MALRD1: variants seen among roughly 807,000 people sequenced by gnomAD.
MALRD1 encodes MAM and LDL receptor class A domain containing 1.
A neutral mutation model predicts 242.1 loss-of-function variants in MALRD1; 247 were observed. The observed-to-expected ratio is 1.02, with a 90% CI of 0.92 to 1.13. The LOEUF is 1.13. Among genes scored for constraint, MALRD1 ranks in the 50% most tolerant of loss-of-function variants. The pLI is 0.00. For missense variants in MALRD1, 2,989 were observed against 2,533.1 expected (o/e 1.18, Z -3.86); for synonymous variants, 995 against 866.6 (o/e 1.15, Z -2.60).
intron 14 of MALRD1, among the ~76,000 whole-genome samples, chr10:19,180,767 C>A (rs1478317958): frequency 6.6e-6 from 1 of 152,018 alleles, no homozygotes; most frequent in African/African-American, 2.4e-5. Flanking sequence ...AAACACTCAG[C>A]AAAATAAAAT....
intron 18 of MALRD1, among the ~76,000 whole-genome samples, chr10:19,215,792 A>ATAGTATATTTATTTATATAAATAAT (rs1180132058): frequency 3.5e-4 from 19 of 54,008 alleles, no homozygotes; most frequent in African/African-American, 8.5e-4. Flanking sequence ...GTATAAATAA[A>ATAGTATATTTATTTATATAAATAAT]TAGTATATTT....
chr10:19,543,971 A>G (rs981902706), intron 32 of MALRD1, among the ~76,000 whole-genome samples: 7 of 151,940 alleles, frequency 4.6e-5, no homozygotes, highest in Admixed American at 6.6e-5. Flanking sequence ...TTATTATTCC[A>G]TGCTACTTGG....
chr10:19,480,209 C>G (rs1346570813), intron 29 of MALRD1, among the ~76,000 whole-genome samples: 2 of 152,188 alleles, frequency 1.3e-5, no homozygotes, highest in African/African-American at 2.4e-5. Flanking sequence ...AAGAAAGAAG[C>G]TAGTGTGTGA....
At chr10:19,661,852 T>C (rs934544560) in intron 36 of MALRD1, among the ~76,000 whole-genome samples, 24 of 152,178 alleles carry the variant, frequency 1.6e-4, no homozygotes, top group Middle Eastern at 3.4e-3. Flanking sequence ...AACAAGAATA[T>C]AATTACAGAG....
At chr10:19,207,900 C>G (rs1836857994) in intron 17 of MALRD1, among the ~76,000 whole-genome samples, 1 of 152,142 alleles carries the variant, frequency 6.6e-6, no homozygotes, top group African/African-American at 2.4e-5. Flanking sequence ...AACTCTTGCA[C>G]TTTGGTGCCA....
At chr10:19,319,024 T>C (rs1842815658) in intron 21 of MALRD1, among the ~76,000 whole-genome samples, 1 of 151,588 alleles carries the variant, frequency 6.6e-6, no homozygotes, top group African/African-American at 2.4e-5. Flanking sequence ...TCTGGCGTAG[T>C]GCATGCTACA....
intron 20 of MALRD1, among the ~76,000 whole-genome samples, chr10:19,282,539 T>C (rs904091012): frequency 6.6e-6 from 1 of 150,434 alleles, no homozygotes; most frequent in East Asian, 1.9e-4. Context: ...TAATTTCCTG[T>C]GATATTAGAA....
chr10:19,266,906 CA>C (rs1364365439), intron 19 of MALRD1, among the ~76,000 whole-genome samples: 5 of 151,944 alleles, frequency 3.3e-5, no homozygotes, highest in African/African-American at 7.2e-5. Context: ...TATCTTGAAT[CA>C]GATCTTCAGA....
chr10:19,433,617 T>C (rs1211586761), intron 28 of MALRD1, among the ~76,000 whole-genome samples: 1 of 152,182 alleles, frequency 6.6e-6, no homozygotes, highest in East Asian at 1.9e-4. Flanking sequence ...ATTAACTATA[T>C]TGAAGATCTA....
At chr10:19,477,087 C>T (rs1036990178) in intron 29 of MALRD1, among the ~76,000 whole-genome samples, 17 of 151,982 alleles carry the variant, frequency 1.1e-4, no homozygotes, top group Non-Finnish European at 2.1e-4. Context: ...ATGGGAATGC[C>T]TGCGGCTTGA....
intron 29 of MALRD1, among the ~76,000 whole-genome samples, chr10:19,485,756 T>C (rs944951372): frequency 2.0e-5 from 3 of 150,774 alleles, no homozygotes; most frequent in Non-Finnish European, 4.5e-5. Context: ...AATCCATCGA[T>C]ACATTTTTAT....
chr10:19,269,519 C>T (rs1000429717), intron 19 of MALRD1, among the ~76,000 whole-genome samples: 11 of 152,168 alleles, frequency 7.2e-5, no homozygotes, highest in Admixed American at 3.9e-4. Context: ...CCAGAGAGTC[C>T]GTCAGGAATC....
chr10:19,198,521 A>G lies in MALRD1; in HGVS notation c.1952-5207A>G, dbSNP rs563675043. On this transcript the variant is annotated intron_variant, in intron 14 of 39. Coordinates refer to ENST00000454679, the MANE Select transcript of MALRD1 (RefSeq NM_001142308.3). The stretch of plus-strand genomic sequence containing the variant: ...AGGATAATAACTTGCCTTCTGTTGT[A>G]GAGGGAGTCACTATCTGTCTTTCAT... Among the ~76,000 whole-genome samples the G allele has an allele frequency of 2.0e-5, 3 of 152,304 alleles. 1 individual carries two copies. In the South Asian group the frequency reaches 6.2e-4, roughly 32 times the overall value.
chr10:19,706,875 T>G (rs1003966564), intron 38 of MALRD1, among the ~76,000 whole-genome samples: 1 of 152,160 alleles, frequency 6.6e-6, no homozygotes, highest in South Asian at 2.1e-4. Flanking sequence ...TGGATATTCA[T>G]AATCCTGGAT....
At chr10:19,531,442 G>T in intron 32 of MALRD1, 91 bp downstream of exon 32, 2 of 1,285,316 alleles carry the variant, frequency 1.6e-6, no homozygotes, top group Non-Finnish European at 2.1e-6. Context: ...ATTTTTGTTG[G>T]TCACACCGCC....
intron 36 of MALRD1, among the ~76,000 whole-genome samples, chr10:19,637,345 GATA>G (rs1840183806): frequency 1.3e-5 from 2 of 152,252 alleles, no homozygotes; most frequent in South Asian, 4.1e-4. Flanking sequence ...TAAGACTTGA[GATA>G]ATGATGGTAT....
At chr10:19,124,133 C>T (rs1425496152) in intron 6 of MALRD1, among the ~76,000 whole-genome samples, 3 of 151,382 alleles carry the variant, frequency 2.0e-5, no homozygotes, top group Non-Finnish European at 2.9e-5. Flanking sequence ...TGGAAGATTG[C>T]TTGAGCCCAG....
intron 5 of MALRD1, among the ~76,000 whole-genome samples, chr10:19,118,680 T>C (rs1836959620): frequency 6.6e-6 from 1 of 152,194 alleles, no homozygotes; most frequent in Non-Finnish European, 1.5e-5. Context: ...GAGGGTATAA[T>C]GAGGCATGTC....
At chr10:19,145,922 A>C (rs1281231899) in intron 10 of MALRD1, among the ~76,000 whole-genome samples, 1 of 152,074 alleles carries the variant, frequency 6.6e-6, no homozygotes, top group Non-Finnish European at 1.5e-5. Context: ...GAAGCTTTGG[A>C]GTTCCACCTT....
Sources: allele counts gnomAD v4.1 joint callset (sites outside exome capture counted in the v4.1 genomes callset), GRCh38; gene constraint gnomAD v4.1.1; transcripts MANE v1.5; gene names NCBI Gene and HGNC (gene_info 2026-07-23, HGNC 2026-07-21).